The following ROBO1 variants were observed in gnomAD, a reference collection of about 807,000 sequenced individuals.
ROBO1 encodes roundabout guidance receptor 1, also known as roundabout homolog 1.
In ROBO1, 149 loss-of-function variants were observed where a neutral mutation model predicts 195.9. That is an observed-to-expected ratio of 0.76 (90% CI 0.67 to 0.87). The LOEUF is 0.87. Ranked by LOEUF, ROBO1 falls within the 40% of genes least tolerant of loss-of-function variation. ROBO1 has a pLI of 0.00. For missense variants in ROBO1, 1,933 were observed against 2,068.3 expected, an observed-to-expected ratio of 0.93 and a Z score of 1.27; for synonymous variants, 816 against 733.2, an observed-to-expected ratio of 1.11 and a Z score of -1.82.
At chr3:79,658,638 T>C (rs1946240053) in intron 1 of ROBO1, among the ~76,000 whole-genome samples, 1 of 152,104 alleles carries the variant, frequency 6.6e-6, no homozygotes, top group African/African-American at 2.4e-5. Flanking sequence ...AATGGGTATA[T>C]GAGATATTTC....
intron 4 of ROBO1, among the ~76,000 whole-genome samples, chr3:78,837,578 A>C (rs912321289): frequency 6.6e-6 from 1 of 152,148 alleles, no homozygotes; most frequent in Non-Finnish European, 1.5e-5. Flanking sequence ...GCAATTAAGT[A>C]GGAAAAGAAT....
At chr3:79,500,900 G>C (rs1002810176) in intron 2 of ROBO1, among the ~76,000 whole-genome samples, 1 of 152,006 alleles carries the variant, frequency 6.6e-6, no homozygotes, top group African/African-American at 2.4e-5. Context: ...GCTTTGTTAC[G>C]TTGGCATATT....
intron 3 of ROBO1, among the ~76,000 whole-genome samples, chr3:79,011,434 G>A (rs765347297): frequency 2.4e-4 from 37 of 152,200 alleles, no homozygotes; most frequent in Middle Eastern, 6.8e-3. Context: ...GAGACTTAGT[G>A]TATCTCATTA....
At chr3:79,445,150 A>G (rs968309360) in intron 2 of ROBO1, among the ~76,000 whole-genome samples, 2 of 151,464 alleles carry the variant, frequency 1.3e-5, no homozygotes, top group African/African-American at 2.4e-5. Context: ...ATACACATAA[A>G]TATCCATCTT....
intron 3 of ROBO1, among the ~76,000 whole-genome samples, chr3:78,959,564 C>T (rs1183809644): frequency 6.6e-6 from 1 of 152,072 alleles, no homozygotes; most frequent in African/African-American, 2.4e-5. Context: ...GTACAGACCC[C>T]TATAGATTGT....
At position 79,444,840 on chromosome 3, in the gene ROBO1, A is replaced by G. The variant is rs190563104; in HGVS notation, c.88+144984T>C. On this transcript the variant is annotated intron_variant, in intron 2 of 30. Coordinates refer to ENST00000464233, the MANE Select transcript of ROBO1 (RefSeq NM_002941.4). ...TATCACTAATAATGTTGAAAGGAAG[A>G]AGTTATGGAAGAACATATACAAAGA... Among the ~76,000 whole-genome samples the G allele has an allele frequency of 3.3e-5, 5 of 152,234 alleles. No individual in the cohort carries two copies. The East Asian group carries it at 7.7e-4, about 24-fold the overall frequency.
chr3:79,752,535 T>C (rs1039401834), intron 1 of ROBO1, among the ~76,000 whole-genome samples: 2 of 152,006 alleles, frequency 1.3e-5, no homozygotes, highest in African/African-American at 2.4e-5. Flanking sequence ...GAAAAGAAAT[T>C]AGGTGAGGAA....
chr3:79,101,713 T>C (rs2079679856), intron 3 of ROBO1, among the ~76,000 whole-genome samples: 1 of 151,906 alleles, frequency 6.6e-6, no homozygotes, highest in Admixed American at 6.6e-5. Flanking sequence ...TAGTTTAACA[T>C]CAAGAATGGT....
intron 1 of ROBO1, among the ~76,000 whole-genome samples, chr3:79,652,987 T>G (rs1477120366): frequency 6.6e-6 from 1 of 151,990 alleles, no homozygotes; most frequent in Non-Finnish European, 1.5e-5. Context: ...TATGTAGTAC[T>G]GCACATCACC....
intron 1 of ROBO1, among the ~76,000 whole-genome samples, chr3:79,597,654 GA>G (rs1369936644): frequency 6.6e-6 from 1 of 151,984 alleles, no homozygotes; most frequent in Non-Finnish European, 1.5e-5. Flanking sequence ...TTACATCCTT[GA>G]CTGAAAGCAT....
Position 78,937,290 on chromosome 3 carries a change from G to A in ROBO1, c.499+1311C>T, listed in dbSNP as rs192366123. Among the ~76,000 whole-genome samples the A allele has an allele frequency of 4.2e-4, 64 of 151,668 alleles. 1 individual carries two copies. The East Asian group carries it at 0.011, about 27-fold the overall frequency. On this transcript the variant is annotated intron_variant, in intron 4 of 30. Coordinates refer to ENST00000464233, the MANE Select transcript of ROBO1 (RefSeq NM_002941.4). The stretch of plus-strand genomic sequence containing the variant: ...TAATTATATCAATGTATAATTTTAT[G>A]CTTATTTAAGTTATAGTTGAATTTT...
At chr3:78,872,289 G>A (rs1188297207) in intron 4 of ROBO1, among the ~76,000 whole-genome samples, 6 of 152,262 alleles carry the variant, frequency 3.9e-5, no homozygotes, top group African/African-American at 1.4e-4. Context: ...CACTCCTGGG[G>A]GAACACAGAC....
chr3:79,366,816 T>G (rs1201189772), intron 2 of ROBO1, among the ~76,000 whole-genome samples: 1 of 152,126 alleles, frequency 6.6e-6, no homozygotes, highest in African/African-American at 2.4e-5. Context: ...GGTAGTTCAG[T>G]TCATATTAGA....
chr3:78,696,737 C>CATATATATATATACACATATATATACAT lies in ROBO1; in HGVS notation c.1046-7966_1046-7965insATGTATATATATGTGTATATATATATAT, dbSNP rs139884498. On this transcript the variant is annotated intron_variant, in intron 8 of 30. Transcript: ENST00000464233. ...ACACGTATATATACATGTATATATA[C>CATATATATATATACACATATATATACAT]ATATATATATACACATATATATATA... Among the ~76,000 whole-genome samples, 32 of 143,714 alleles carry CATATATATATATACACATATATATACAT rather than the reference C, an allele frequency of 2.2e-4. No homozygotes were observed. The East Asian group carries it at 6.3e-3, about 28-fold the overall frequency. The allele number at this position is 143,714 out of a possible 152,430, so 94.3% of individuals were successfully genotyped here. A position where few individuals can be genotyped will look rare whatever the true frequency, so the allele number is the denominator to read the frequency against.
At chr3:79,761,434 C>T (rs1576331116) in intron 1 of ROBO1, among the ~76,000 whole-genome samples, 1 of 152,048 alleles carries the variant, frequency 6.6e-6, no homozygotes, top group Non-Finnish European at 1.5e-5. Flanking sequence ...GAGATTCAAT[C>T]TGGAAGAGTA....
intron 4 of ROBO1, among the ~76,000 whole-genome samples, chr3:78,926,450 A>T (rs2039226023): frequency 6.6e-6 from 1 of 152,194 alleles, no homozygotes; most frequent in Non-Finnish European, 1.5e-5. Flanking sequence ...GCAAGACCTG[A>T]GGCTCAACTG....
chr3:79,348,407 C>T (rs983272413), intron 2 of ROBO1, among the ~76,000 whole-genome samples: 17 of 152,018 alleles, frequency 1.1e-4, no homozygotes, highest in Admixed American at 3.9e-4. Flanking sequence ...GCTCCTCTTA[C>T]ATATGAAGTT....
At chr3:78,815,303 C>G (rs373350294) in intron 4 of ROBO1, among the ~76,000 whole-genome samples, 7 of 152,252 alleles carry the variant, frequency 4.6e-5, no homozygotes, top group African/African-American at 1.7e-4. Flanking sequence ...ATCTAGGCTT[C>G]TTATGCCAAA....
chr3:79,384,490 A>G (rs151068274), intron 2 of ROBO1, among the ~76,000 whole-genome samples: 2 of 152,152 alleles, frequency 1.3e-5, no homozygotes, highest in African/African-American at 4.8e-5. Flanking sequence ...AAGAATTGGA[A>G]AAATTAAGAA....
Sources: allele counts gnomAD v4.1 joint callset (sites outside exome capture counted in the v4.1 genomes callset), GRCh38; gene constraint gnomAD v4.1.1; transcripts MANE v1.5; gene names NCBI Gene and HGNC (gene_info 2026-07-23, HGNC 2026-07-21).